Variants in MFSD1 observed in about 807,000 individuals in gnomAD.
MFSD1 encodes the protein major facilitator superfamily domain containing 1.
Under a neutral mutation model 67.1 loss-of-function variants are expected in MFSD1, and 59 were observed. The observed-to-expected ratio is 0.88, with a 90% CI of 0.71 to 1.09. The LOEUF is 1.09. MFSD1 is among the 50% of genes least tolerant of loss of function. The pLI, the probability that MFSD1 is intolerant of heterozygous loss-of-function variation, is 0.00. For missense variants in MFSD1, 552 were observed against 566.1 expected (o/e 0.97, Z 0.25); for synonymous variants, 213 against 200.3 (o/e 1.06, Z -0.54).
chr3:158,806,821 A>G (rs1416029562), intron 3 of MFSD1, among the ~76,000 whole-genome samples: 1 of 152,152 alleles, frequency 6.6e-6, no homozygotes, highest in Non-Finnish European at 1.5e-5. Context: ...TTAGAAGTCT[A>G]GACTTCTGTA....
At position 158,802,321 on chromosome 3, in the gene MFSD1, C is replaced by T. The variant is rs1365266797; in HGVS notation, c.163+6C>T. The T allele has an allele frequency of 1.2e-6, 2 of 1,607,570 alleles. No homozygotes were observed. The highest frequency in any genetic ancestry group is 2.2e-5 in the East Asian group (1 of 44,744). Reference sequence around the variant, plus strand: ...GATGTGCTTCCTTGGCTTTGGTGAGCCGGCCGGGTGGGTTGGGGCTGATCT... The same window carrying T: ...GATGTGCTTCCTTGGCTTTGGTGAGTCGGCCGGGTGGGTTGGGGCTGATCT... On this transcript the variant is annotated splice_donor_region_variant and intron_variant, in intron 1 of 15. Transcript: ENST00000415822.
chr3:158,816,265 C>T (rs2108220925), intron 7 of MFSD1, among the ~76,000 whole-genome samples: 1 of 152,328 alleles, frequency 6.6e-6, no homozygotes, highest in South Asian at 2.1e-4. Flanking sequence ...TTTACAGACC[C>T]ACCAACAGTG....
chr3:158,823,548 G>A (rs143283239), intron 12 of MFSD1, 23 bp downstream of exon 12: 57 of 1,427,726 alleles, frequency 4.0e-5, no homozygotes, highest in African/African-American at 3.5e-4. Context: ...GCTGTGGATC[G>A]TATATGTCTG....
At chr3:158,820,378 T>C in intron 9 of MFSD1, 52 bp downstream of exon 9, 1 of 1,220,456 alleles carries the variant, frequency 8.2e-7, no homozygotes, top group Non-Finnish European at 1.2e-6. Flanking sequence ...TCATGAGAGT[T>C]CAATCACATA....
chr3:158,813,339 G>T (rs1226578011), intron 6 of MFSD1, among the ~76,000 whole-genome samples: 2 of 151,734 alleles, frequency 1.3e-5, no homozygotes, highest in Non-Finnish European at 2.9e-5. Context: ...GTAGAGACAG[G>T]GTTTCACCAT....
At chr3:158,809,008 C>T (rs897927824) in intron 5 of MFSD1, 171 bp from the exon 6 acceptor site, 2 of 504,634 alleles carry the variant, frequency 4.0e-6, no homozygotes, top group African/African-American at 3.9e-5. Context: ...CTCATTTCCA[C>T]CATATTCTAT....
chr3:158,823,952 A>G (rs552527675), intron 12 of MFSD1, among the ~76,000 whole-genome samples, 172 bp from the exon 13 acceptor site: 5 of 152,344 alleles, frequency 3.3e-5, no homozygotes, highest in Non-Finnish European at 5.9e-5. Flanking sequence ...AGTAGTGGAA[A>G]TAGTTATGGG....
chr3:158,820,296 T>A lies in MFSD1; in HGVS notation c.833T>A (p.Val278Asp). 2 of 1,611,410 alleles carry A rather than the reference T, an allele frequency of 1.2e-6. No individual in the cohort carries two copies. ...TTTATCATCTGTGTCTGCTATTATG[T>A]TGCTGTGTTCCCTTTTATTGGACTT... ...LIFIICVCYY[V>D]AVFPFIGLGK... The change falls in exon 9 of 16, where the codon GTT becomes GAT. Residue 278 changes from valine to aspartate, a missense_variant. Coordinates refer to ENST00000415822, the MANE Select transcript of MFSD1 (RefSeq NM_022736.4).
At chr3:158,807,604 T>C (rs1729794142) in intron 5 of MFSD1, 141 bp downstream of exon 5, 9 of 653,160 alleles carry the variant, frequency 1.4e-5, no homozygotes, top group Non-Finnish European at 2.4e-5. Flanking sequence ...AGAGTATTTC[T>C]TAGTTGTCTT....
At chr3:158,817,962 A>C (rs1298538063) in intron 7 of MFSD1, among the ~76,000 whole-genome samples, 1 of 152,200 alleles carries the variant, frequency 6.6e-6, no homozygotes, top group Non-Finnish European at 1.5e-5. Context: ...AGTTGTTTCA[A>C]CAAGACTATA....
chr3:158,816,797 GTC>G (rs1559920003), intron 7 of MFSD1, among the ~76,000 whole-genome samples: 1 of 149,882 alleles, frequency 6.7e-6, no homozygotes, highest in Non-Finnish European at 1.5e-5. Context: ...TAACGTTTAA[GTC>G]TTTAATCCAT....
intron 7 of MFSD1, 195 bp from the exon 8 acceptor site, chr3:158,819,454 T>A: frequency 2.3e-6 from 1 of 438,306 alleles, no homozygotes; most frequent in South Asian, 4.9e-5. Flanking sequence ...TAAAAGCTAC[T>A]ACTGTTTGCT....
At chr3:158,827,976 G>GAGAGAGAGAGAGAGAGAGAGAGACAGAC (rs1553759912) in intron 15 of MFSD1, among the ~76,000 whole-genome samples, 1 of 78,874 alleles carries the variant, frequency 1.3e-5, no homozygotes, top group Non-Finnish European at 2.5e-5. Flanking sequence ...GAGAGAGAGA[G>GAGAGAGAGAGAGAGAGAGAGAGACAGAC]AGACAGAGAT....
intron 7 of MFSD1, among the ~76,000 whole-genome samples, chr3:158,818,815 G>A (rs1730514329): frequency 6.6e-6 from 1 of 152,042 alleles, no homozygotes. Flanking sequence ...CTCCACAATG[G>A]GAAATTTTAG....
intron 15 of MFSD1, 70 bp from the exon 16 acceptor site, chr3:158,828,909 A>G: frequency 6.6e-7 from 1 of 1,526,488 alleles, no homozygotes; most frequent in Non-Finnish European, 8.9e-7. Context: ...CTTGGTTTTC[A>G]TTTTATAAGG....
intron 6 of MFSD1, among the ~76,000 whole-genome samples, chr3:158,812,751 A>G (rs1254621483): frequency 1.3e-5 from 2 of 152,132 alleles, no homozygotes; most frequent in Non-Finnish European, 2.9e-5. Context: ...ATGGCTTCCC[A>G]TCTCACACAG....
At position 158,826,040 on chromosome 3, in the gene MFSD1, C is replaced by G. The variant is rs1730948391; in HGVS notation, c.1314C>G (p.Leu438=). 1 of 1,613,528 alleles carries G rather than the reference C, an allele frequency of 6.2e-7. No homozygotes were observed. The highest frequency in any genetic ancestry group is 8.5e-7 in the Non-Finnish European group (1 of 1,179,630). ...TGTCACTTTTATCTGTGGTCTTACT[C>G]TATTTGGTGAATCGTGCCCAGGGTA... ...VSLSLLSVVL[L]YLVNRAQGGN... is the part of the protein sequence containing the mutation. Residue 438 remains leucine, a synonymous_variant, in exon 14 of 16, where the codon CTC becomes CTG. Coordinates refer to ENST00000415822, the MANE Select transcript of MFSD1 (RefSeq NM_022736.4).
In MFSD1 at chr3:158,823,431, C is replaced by T. The variant is rs1196854561; in HGVS notation, c.1081C>T (p.Leu361Phe). The change falls in exon 12 of 16, where the codon CTT becomes TTT. Residue 361 changes from leucine to phenylalanine, a missense_variant. Physicochemically the swap from Leu to Phe is conservative, Grantham distance 22. Coordinates refer to ENST00000415822, the MANE Select transcript of MFSD1 (RefSeq NM_022736.4). ...TTTTCTGCGTTGCTTTCTGTAGTGT[C>T]TTCTGGGACTCTCCTACTCATTGCT... ...TMWNPWIAMC[L>F]LGLSYSLLAC... is the part of the protein sequence containing the mutation. 1 of 1,611,110 alleles carries T rather than the reference C, an allele frequency of 6.2e-7. No homozygotes were observed. Among genetic ancestry groups the T allele is most frequent in the Admixed American group, 1.7e-5 (1 of 60,008 alleles).
chr3:158,817,083 A>C (rs1730401084), intron 7 of MFSD1, among the ~76,000 whole-genome samples: 1 of 152,098 alleles, frequency 6.6e-6, no homozygotes, highest in African/African-American at 2.4e-5. Flanking sequence ...GTCAGGTAGC[A>C]TGATGGGACG....
Sources: gnomAD v4.1 joint callset for allele counts (sites outside exome capture counted in the v4.1 genomes callset) on GRCh38, gnomAD v4.1.1 for gene constraint, MANE v1.5 for transcripts, NCBI Gene and HGNC (gene_info 2026-07-23, HGNC 2026-07-21) for gene names.